Variants in DCX observed in about 807,000 individuals in gnomAD.
DCX encodes neuronal migration protein doublecortin.
A neutral mutation model predicts 20.9 loss-of-function variants in DCX; 4 were observed. The ratio of observed to expected loss-of-function variants is 0.19; its 90% CI spans 0.09 to 0.44. DCX has a LOEUF of 0.44. DCX is among the 20% of genes least tolerant of loss of function. DCX has a pLI of 0.99. For missense variants in DCX, 133 were observed against 296.9 expected (o/e 0.45, Z 4.06); for synonymous variants, 103 against 111.4 (o/e 0.92, Z 0.47).
chrX:111,294,087 T>G lies in DCX; in HGVS notation c.*7600A>C, dbSNP rs2095014568. 1 of 111,255 alleles carries G rather than the reference T, an allele frequency of 9.0e-6. No individual in the cohort carries two copies. Among genetic ancestry groups the G allele is most frequent in the Admixed American group, 9.6e-5 (1 of 10,438 alleles). 9.2% of individuals were successfully genotyped at this position (111,255 alleles called of 1,213,427 possible). Reference sequence around the variant, plus strand: ...GATGAAAAGGGTCTGCTCCAGCTGGTTTATGGGGGCCTCACCAAACCTACC... The same window carrying G: ...GATGAAAAGGGTCTGCTCCAGCTGGGTTATGGGGGCCTCACCAAACCTACC... On this transcript the variant is annotated 3_prime_UTR_variant, in exon 7 of 7. Transcript: ENST00000636035.
chrX:111,337,196 C>T lies in DCX; in HGVS notation c.706-4043G>A, dbSNP rs187692047. Among the ~76,000 whole-genome samples the T allele has an allele frequency of 1.2e-3, 135 of 111,843 alleles. 1 individual carries two copies. Among genetic ancestry groups the T allele is most frequent in the African/African-American group, 3.8e-3 (118 of 30,811 alleles). On this transcript the variant is annotated intron_variant, in intron 3 of 6. Transcript: ENST00000636035. ...ATAATCATCATAATATCACTTACAGCATTACAGCATCCTCAGGGATCAAAG... is the reference window on the plus strand; with the variant it reads ...ATAATCATCATAATATCACTTACAGTATTACAGCATCCTCAGGGATCAAAG...
At position 111,312,636 on chromosome X, in the gene DCX, T is replaced by A; in HGVS notation, c.1044+3A>T. Reference sequence around the variant, plus strand: ...GAGGTTTAGTAAGGTATAAGAGACATAATACCTTGTGCTTCCGGAGGCTGC... The same window carrying A: ...GAGGTTTAGTAAGGTATAAGAGACAAAATACCTTGTGCTTCCGGAGGCTGC... On this transcript the variant is annotated splice_donor_region_variant and intron_variant, in intron 6 of 6. Transcript: ENST00000636035. The A allele has an allele frequency of 8.3e-7, 1 of 1,210,074 alleles. No individual in the cohort carries two copies.
At chrX:111,380,164 G>A (rs780599431) in intron 3 of DCX, among the ~76,000 whole-genome samples, 2 of 111,651 alleles carry the variant, frequency 1.8e-5, no homozygotes, top group Non-Finnish European at 3.8e-5. Flanking sequence ...ATCATGTGCA[G>A]CACAGAAGTT....
At chrX:111,371,197 C>T (rs1159341667) in intron 3 of DCX, among the ~76,000 whole-genome samples, 1 of 112,414 alleles carries the variant, frequency 8.9e-6, no homozygotes, top group Non-Finnish European at 1.9e-5. Flanking sequence ...TTGTGACATA[C>T]ATACACCTGT....
intron 3 of DCX, among the ~76,000 whole-genome samples, chrX:111,397,125 A>G (rs1441777885): frequency 1.8e-5 from 2 of 111,887 alleles, no homozygotes; most frequent in Non-Finnish European, 3.8e-5. Context: ...GTCAAATGAT[A>G]CACACAATTA....
chrX:111,373,599 C>T (rs1039001573), intron 3 of DCX, among the ~76,000 whole-genome samples: 60 of 111,614 alleles, frequency 5.4e-4, no homozygotes, highest in African/African-American at 1.9e-3. Flanking sequence ...GTCAGACATG[C>T]CAAGAGTTAA....
At chrX:111,336,671 T>A (rs185997670) in intron 3 of DCX, among the ~76,000 whole-genome samples, 100 of 112,232 alleles carry the variant, frequency 8.9e-4, no homozygotes, top group Admixed American at 1.4e-3. Context: ...TCAGGTGTTC[T>A]GCTTCAATTC....
intron 6 of DCX, among the ~76,000 whole-genome samples, chrX:111,306,840 A>G (rs952699502): frequency 1.8e-5 from 2 of 111,775 alleles, no homozygotes; most frequent in African/African-American, 6.5e-5. Context: ...TCACAGGAAA[A>G]ATCACAAAAT....
intron 3 of DCX, among the ~76,000 whole-genome samples, chrX:111,358,469 C>T (rs1250141654): frequency 8.9e-6 from 1 of 111,940 alleles, no homozygotes; most frequent in Non-Finnish European, 1.9e-5. Context: ...TAACCATATT[C>T]AAACATTTCC....
At position 111,298,461 on chromosome X, in the gene DCX, C is replaced by T. The variant is rs1397590207; in HGVS notation, c.*3226G>A. 1 of 111,637 alleles carries T rather than the reference C, an allele frequency of 9.0e-6. No homozygotes were observed. Among genetic ancestry groups the T allele is most frequent in the African/African-American group, 3.3e-5 (1 of 30,553 alleles). The allele number at this position is 111,637 out of a possible 1,213,427, so 9.2% of individuals were successfully genotyped here. A position where few individuals can be genotyped will look rare whatever the true frequency, so the allele number is the denominator to read the frequency against. On this transcript the variant is annotated 3_prime_UTR_variant, in exon 7 of 7. Transcript: ENST00000636035. Reference sequence around the variant, plus strand: ...AGATCAGGGCAGCAGCATGTGGCTCCAAGATGCAACATGACCCTGAGAAAT... The same window carrying T: ...AGATCAGGGCAGCAGCATGTGGCTCTAAGATGCAACATGACCCTGAGAAAT...
chrX:111,338,034 G>C (rs1285028356), intron 3 of DCX, among the ~76,000 whole-genome samples: 1 of 112,173 alleles, frequency 8.9e-6, no homozygotes, highest in Non-Finnish European at 1.9e-5. Flanking sequence ...ACTGAGTCTT[G>C]AAGGATGAGT....
chrX:111,410,071 A>T lies in DCX; in HGVS notation c.328T>A (p.Ser110Thr). The T allele has an allele frequency of 1.7e-6, 2 of 1,211,897 alleles. No homozygotes were observed. Among genetic ancestry groups the T allele is most frequent in the Non-Finnish European group, 2.2e-6 (2 of 895,537 alleles). ...TCATCCATGCTTCCGATCTTCCTGG[A>T]TCCATCAATGGTGTAAATGTAACGC... The part of the protein sequence containing the change: ...GVRYIYTIDG[S>T]RKIGSMDELE... Residue 110 changes from serine (S) to threonine (T), a missense_variant, in exon 2 of 7, where the codon TCC (serine) becomes ACC (threonine). Ser to Thr is a moderately conservative substitution (Grantham distance 58). Coordinates refer to ENST00000636035, the MANE Select transcript of DCX (RefSeq NM_001195553.2).
chrX:111,384,267 A>G (rs1175852889), intron 3 of DCX, among the ~76,000 whole-genome samples: 2 of 111,625 alleles, frequency 1.8e-5, no homozygotes, highest in Non-Finnish European at 3.8e-5. Context: ...TTCATGAATT[A>G]GCCTCCACCT....
intron 3 of DCX, 80 bp from the exon 4 acceptor site, chrX:111,333,233 G>C: frequency 1.3e-5 from 10 of 760,375 alleles, no homozygotes; most frequent in South Asian, 2.2e-5. Context: ...AAGGAGAAAA[G>C]CTTCCCATCT....
At chrX:111,371,378 TC>T (rs1161204788) in intron 3 of DCX, among the ~76,000 whole-genome samples, 1 of 111,206 alleles carries the variant, frequency 9.0e-6, no homozygotes, top group African/African-American at 3.3e-5. Flanking sequence ...AAATTCCACT[TC>T]CTCAGCCTTC....
chrX:111,341,261 A>G (rs191757231), intron 3 of DCX, among the ~76,000 whole-genome samples: 1 of 109,349 alleles, frequency 9.1e-6, no homozygotes, highest in African/African-American at 3.3e-5. Context: ...GACCAAGCAG[A>G]AGAAAGGATA....
At chrX:111,381,935 CT>C (rs942547064) in intron 3 of DCX, among the ~76,000 whole-genome samples, 8 of 110,467 alleles carry the variant, frequency 7.2e-5, no homozygotes, top group Non-Finnish European at 1.5e-4. Context: ...GCCTTTGATT[CT>C]TTTTTTTTAA....
chrX:111,353,228 G>A (rs182108339), intron 3 of DCX, among the ~76,000 whole-genome samples: 6 of 112,042 alleles, frequency 5.4e-5, no homozygotes, highest in African/African-American at 1.9e-4. Flanking sequence ...CTGGCTTCTA[G>A]TCCTTGTTCA....
chrX:111,317,611 C>A (rs772064980), intron 5 of DCX, among the ~76,000 whole-genome samples: 1 of 110,991 alleles, frequency 9.0e-6, no homozygotes, highest in Admixed American at 9.5e-5. Context: ...AAACTATCAA[C>A]AGAGTGAGCA....
Sources: gnomAD v4.1 joint callset for allele counts (sites outside exome capture counted in the v4.1 genomes callset) on GRCh38, gnomAD v4.1.1 for gene constraint, MANE v1.5 for transcripts, NCBI Gene and HGNC (gene_info 2026-07-23, HGNC 2026-07-21) for gene names.